The following DYNC1I1 variants were observed in gnomAD, a reference collection of about 807,000 sequenced individuals.
DYNC1I1 encodes the protein dynein cytoplasmic 1 intermediate chain 1.
DYNC1I1 carries 43 observed loss-of-function variants against 86.6 expected under a neutral mutation model. The ratio of observed to expected loss-of-function variants is 0.50; its 90% CI spans 0.39 to 0.64. DYNC1I1 has a LOEUF of 0.64. Ranked by LOEUF, DYNC1I1 falls within the 30% of genes least tolerant of loss-of-function variation. The pLI, the probability that DYNC1I1 is intolerant of heterozygous loss-of-function variation, is 0.00. For missense variants in DYNC1I1, 604 were observed against 788.8 expected, an observed-to-expected ratio of 0.77 and a Z score of 2.81; for synonymous variants, 262 against 283.7, an observed-to-expected ratio of 0.92 and a Z score of 0.77.
chr7:95,874,344 G>C (rs111942636), intron 6 of DYNC1I1, among the ~76,000 whole-genome samples: 106 of 152,228 alleles, frequency 7.0e-4, no homozygotes, highest in African/African-American at 2.5e-3. Flanking sequence ...ACCAGACTGA[G>C]TTTGTGGTTG....
In DYNC1I1 at chr7:96,039,473, G is replaced by A. The variant is rs371831396; in HGVS notation, c.1509+52G>A. The A allele has an allele frequency of 5.3e-4, 847 of 1,609,018 alleles. 2 individuals are homozygous for A. The highest frequency in any genetic ancestry group is 1.4e-3 in the South Asian group (131 of 90,816). On this transcript the variant is annotated intron_variant, in intron 14 of 16. Coordinates refer to ENST00000447467, the MANE Select transcript of DYNC1I1 (RefSeq NM_001135556.2). Reference sequence around the variant, plus strand: ...AGATAATACATAAGGGCAGAGGATGGTTTTTCATTCCCTGGAAACAGTTGT... The same window carrying A: ...AGATAATACATAAGGGCAGAGGATGATTTTTCATTCCCTGGAAACAGTTGT...
intron 6 of DYNC1I1, among the ~76,000 whole-genome samples, chr7:95,916,916 T>C (rs559160885): frequency 2.6e-5 from 4 of 152,336 alleles, no homozygotes; most frequent in South Asian, 2.1e-4. Flanking sequence ...TGTGTCTTTT[T>C]CTATTTCGTT....
chr7:95,907,501 T>C (rs1006050543), intron 6 of DYNC1I1, among the ~76,000 whole-genome samples: 1 of 152,174 alleles, frequency 6.6e-6, no homozygotes, highest in African/African-American at 2.4e-5. Context: ...CTCTTCACTA[T>C]GGTCAAATCA....
intron 10 of DYNC1I1, among the ~76,000 whole-genome samples, chr7:96,003,526 C>T (rs1290494972): frequency 1.3e-5 from 2 of 152,184 alleles, no homozygotes; most frequent in Non-Finnish European, 2.9e-5. Flanking sequence ...CTTCCATTCT[C>T]TGGACTATCA....
intron 5 of DYNC1I1, among the ~76,000 whole-genome samples, chr7:95,839,509 T>C (rs935395610): frequency 6.6e-6 from 1 of 152,216 alleles, no homozygotes; most frequent in African/African-American, 2.4e-5. Context: ...CATATCTGTT[T>C]AGAATGTGTG....
At chr7:96,001,232 G>A (rs1316821075) in intron 10 of DYNC1I1, among the ~76,000 whole-genome samples, 5 of 152,090 alleles carry the variant, frequency 3.3e-5, no homozygotes, top group Admixed American at 3.3e-4. Flanking sequence ...TGGATGCTGT[G>A]CAGTGAGAGC....
chr7:95,856,406 C>T (rs1352543904), intron 5 of DYNC1I1, among the ~76,000 whole-genome samples: 1 of 152,156 alleles, frequency 6.6e-6, no homozygotes, highest in Non-Finnish European at 1.5e-5. Flanking sequence ...AGAAATATGT[C>T]GATGGCCGTT....
chr7:96,104,568 T>C (rs185917838), intron 16 of DYNC1I1, among the ~76,000 whole-genome samples: 111 of 152,266 alleles, frequency 7.3e-4, no homozygotes, highest in African/African-American at 2.6e-3. Context: ...GTGGTAAACA[T>C]TATTTTTTAA....
intron 6 of DYNC1I1, among the ~76,000 whole-genome samples, chr7:95,894,458 T>TG (rs34221456): frequency 4.0e-5 from 6 of 150,908 alleles, no homozygotes; most frequent in South Asian, 4.3e-4. Flanking sequence ...TACCTGAATT[T>TG]GGGGGGGGGA....
intron 6 of DYNC1I1, among the ~76,000 whole-genome samples, chr7:95,902,912 A>G (rs546265977): frequency 6.6e-6 from 1 of 152,258 alleles, no homozygotes; most frequent in African/African-American, 2.4e-5. Flanking sequence ...CCCCCATCTT[A>G]TTCCATGGAG....
In DYNC1I1 at chr7:95,977,524, A is replaced by C; in HGVS notation, c.503A>C (p.Asp168Ala). Residue 168 changes from aspartate (D) to alanine (A), a missense_variant, in exon 7 of 17, where the codon GAT becomes GCT. By Grantham distance (126) the Asp-to-Ala change is moderately radical. Transcript: ENST00000447467. ...TTCTTTTTTCTAGAGGATGAGGAAGATGAGGAAATGGTGGAATCTAAAGTT... is the reference window on the plus strand; with the variant it reads ...TTCTTTTTTCTAGAGGATGAGGAAGCTGAGGAAATGGTGGAATCTAAAGTT... ...ATHQSEEDEE[D>A]EEMVESKVGQ... 6.2e-7 allele frequency: 1 copy of C among 1,613,086 alleles called. No homozygotes were observed. Among genetic ancestry groups the C allele is most frequent in the Non-Finnish European group, 8.5e-7 (1 of 1,179,632 alleles).
rs563154266 is a variant in DYNC1I1 at position 96,010,966 on chromosome 7, G to GA, written c.969+14894dup. 6.6e-5 allele frequency among the ~76,000 whole-genome samples: 10 copies of GA among 152,328 alleles called. 1 individual carries two copies. The South Asian group carries it at 2.1e-3, about 32-fold the overall frequency. On this transcript the variant is annotated intron_variant, in intron 10 of 16. Transcript: ENST00000447467. ...AGCCATTATCTACATTTTGGAAGGG[G>GA]AGTGGAAAACTGAGTTCATTATTTA...
At chr7:95,871,568 A>G (rs1790169920) in intron 6 of DYNC1I1, among the ~76,000 whole-genome samples, 1 of 152,208 alleles carries the variant, frequency 6.6e-6, no homozygotes, top group Non-Finnish European at 1.5e-5. Context: ...CTTGACCCAT[A>G]GCATAAAGTT....
intron 14 of DYNC1I1, among the ~76,000 whole-genome samples, chr7:96,050,537 G>T (rs895643713): frequency 1.3e-5 from 2 of 152,170 alleles, no homozygotes; most frequent in African/African-American, 4.8e-5. Flanking sequence ...GATTGAACAG[G>T]TTGAGTTTTT....
intron 14 of DYNC1I1, 133 bp from the exon 15 acceptor site, chr7:96,075,922 TTC>T: frequency 8.2e-7 from 1 of 1,217,636 alleles, no homozygotes; most frequent in South Asian, 1.6e-5. Context: ...AAAGCTCCGG[TTC>T]ACCTTCTCGA....
At chr7:95,922,262 C>T (rs765370428) in intron 6 of DYNC1I1, among the ~76,000 whole-genome samples, 90 of 151,998 alleles carry the variant, frequency 5.9e-4, no homozygotes, top group Non-Finnish European at 9.0e-4. Flanking sequence ...CTGAAACATG[C>T]TGCGGTATAT....
At chr7:95,779,823 A>G (rs1421693970) in intron 1 of DYNC1I1, among the ~76,000 whole-genome samples, 1 of 152,160 alleles carries the variant, frequency 6.6e-6, no homozygotes, top group African/African-American at 2.4e-5. Flanking sequence ...CACTTCCTGA[A>G]ATGTAGCGCC....
At position 96,028,030 on chromosome 7, in the gene DYNC1I1, T is replaced by C. The variant is rs1212277752; in HGVS notation, c.970-145T>C. On this transcript the variant is annotated intron_variant, in intron 10 of 16. Coordinates refer to ENST00000447467, the MANE Select transcript of DYNC1I1 (RefSeq NM_001135556.2). ...TATGTACAAAATTTCTTAGTAACTA[T>C]GCACTTTTACAGTCCCAGCTTTAAA... The C allele has an allele frequency of 3.4e-6, 4 of 1,169,414 alleles. No individual in the cohort carries two copies. In the East Asian group the frequency reaches 7.2e-5, roughly 21 times the overall value. The allele number at this position is 1,169,414 out of a possible 1,614,324, so 72.4% of individuals were successfully genotyped here. A position where few individuals can be genotyped will look rare whatever the true frequency, so the allele number is the denominator to read the frequency against.
chr7:95,781,864 A>C (rs149485185), intron 1 of DYNC1I1, among the ~76,000 whole-genome samples: 2 of 152,310 alleles, frequency 1.3e-5, no homozygotes, highest in Non-Finnish European at 2.9e-5. Context: ...GGGTGCTTGA[A>C]GATGTCAACG....
Sources: gnomAD v4.1 joint callset for allele counts (sites outside exome capture counted in the v4.1 genomes callset) on GRCh38, gnomAD v4.1.1 for gene constraint, MANE v1.5 for transcripts, NCBI Gene and HGNC (gene_info 2026-07-23, HGNC 2026-07-21) for gene names.